Variants in H2AZ1 observed in about 807,000 individuals in gnomAD.
H2AZ1 encodes H2A.Z variant histone 1, also known as histone H2A.Z.
In H2AZ1, 3 loss-of-function variants were observed where a neutral mutation model predicts 16.6. The ratio of observed to expected loss-of-function variants is 0.18; its 90% confidence interval spans 0.08 to 0.47. The LOEUF is 0.47. Ranked by LOEUF, H2AZ1 falls within the 20% of genes least tolerant of loss-of-function variation. The pLI, the probability that H2AZ1 is intolerant of heterozygous loss-of-function variation, is 0.98. For missense variants in H2AZ1, 27 were observed against 163.6 expected (o/e 0.17, Z 4.55); for synonymous variants, 78 against 60.7 (o/e 1.28, Z -1.32).
intron 4 of H2AZ1, 108 bp downstream of exon 4, chr4:99,948,703 C>T: frequency 6.8e-7 from 1 of 1,469,450 alleles, no homozygotes; most frequent in Non-Finnish European, 9.1e-7. Context: ...AACCATACTT[C>T]CATCATTGAA....
chr4:99,950,024 G>A (rs1727243077), intron 1 of H2AZ1, 144 bp downstream of exon 1: 1 of 722,206 alleles, frequency 1.4e-6, no homozygotes, highest in Non-Finnish European at 2.3e-6. Flanking sequence ...GCTAGCAGCC[G>A]ACAAAACACC....
At chr4:99,949,529 T>C (rs1456409115) in intron 2 of H2AZ1, 134 bp downstream of exon 2, 17 of 1,006,198 alleles carry the variant, frequency 1.7e-5, no homozygotes, top group Non-Finnish European at 2.7e-5. Flanking sequence ...CCCATATTTA[T>C]CGTATGGGCA....
chr4:99,949,419 A>G (rs1185721323), intron 2 of H2AZ1, 33 bp from the exon 3 acceptor site: 2 of 1,358,728 alleles, frequency 1.5e-6, no homozygotes, highest in Admixed American at 3.4e-5. Flanking sequence ...ACATAAATGC[A>G]CAAAAATGAG....
rs1165006735 is a variant in H2AZ1 at position 99,948,673 on chromosome 4, T to A, written c.325+138A>T. ...GTAAAAATTCATTGAGTTATACATA[T>A]AAATCAAATTTCATGATACAACCAT... On this transcript the variant is annotated intron_variant, in intron 4 of 4. Coordinates refer to ENST00000296417, the MANE Select transcript of H2AZ1 (RefSeq NM_002106.4). 3.4e-6 allele frequency: 5 copies of A among 1,456,796 alleles called. No individual in the cohort carries two copies. In the Admixed American group the frequency reaches 1.2e-4, roughly 36 times the overall value. 90.2% of individuals were successfully genotyped at this position (1,456,796 alleles called of 1,614,324 possible).
rs1429961730 is a variant in H2AZ1 at position 99,949,288 on chromosome 4, C to T, written c.180G>A (p.Glu60=). 1 of 1,605,502 alleles carries T rather than the reference C, an allele frequency of 6.2e-7. No homozygotes were observed. ...ACCCATTTACCTCTGCGGTGAGGTA[C>T]TCCAGGATGGCTGCGCTGTACACAG... is the stretch of plus-strand genomic sequence containing the variant. ...TAAVYSAAIL[E]YLTAEVLELA... Residue 60 remains glutamate (E), a synonymous_variant, in exon 3 of 5, where the codon GAG becomes GAA. Transcript: ENST00000296417.
At chr4:99,948,559 T>G (rs1456206205) in intron 4 of H2AZ1, 36 bp from the exon 5 acceptor site, 2 of 1,606,122 alleles carry the variant, frequency 1.2e-6, no homozygotes, top group Non-Finnish European at 1.7e-6. Context: ...TACTTAAGAT[T>G]TTTTAAAAAA....
chr4:99,949,073 G>A (rs1727207300), intron 3 of H2AZ1, 133 bp from the exon 4 acceptor site: 2 of 712,812 alleles, frequency 2.8e-6, no homozygotes, highest in South Asian at 1.7e-5. Flanking sequence ...AGATATACAG[G>A]GGGCACGCAA....
chr4:99,949,243 T>C, intron 3 of H2AZ1, 30 bp downstream of exon 3: 1 of 1,332,704 alleles, frequency 7.5e-7, no homozygotes. Flanking sequence ...CCCCAAACCT[T>C]CTCCGGATTA....
chr4:99,949,306 G>A lies in H2AZ1; in HGVS notation c.162C>T (p.Tyr54=), dbSNP rs765193638. 11 of 1,611,714 alleles carry A rather than the reference G, an allele frequency of 6.8e-6. No individual in the cohort carries two copies. The highest frequency in any genetic ancestry group is 1.6e-4 in the Middle Eastern group (1 of 6,080). The change falls in exon 3 of 5, where the codon TAC becomes TAT. Residue 54 remains tyrosine (Y), a synonymous_variant. Coordinates refer to ENST00000296417, the MANE Select transcript of H2AZ1 (RefSeq NM_002106.4). The part of the protein sequence containing the change: ...HGRVGATAAV[Y]SAAILEYLTA... ...TGAGGTACTCCAGGATGGCTGCGCT[G>A]TACACAGCGGCAGTCGCGCCCACAC...
chr4:99,949,463 G>C (rs1727223812), intron 2 of H2AZ1, 77 bp from the exon 3 acceptor site: 1 of 1,086,618 alleles, frequency 9.2e-7, no homozygotes, highest in Non-Finnish European at 1.4e-6. Flanking sequence ...GCGCGCCAAA[G>C]CAAGGGGCAC....
intron 2 of H2AZ1, 131 bp from the exon 3 acceptor site, chr4:99,949,517 C>G: frequency 1.0e-6 from 1 of 981,638 alleles, no homozygotes; most frequent in Non-Finnish European, 1.6e-6. Flanking sequence ...TGATTCCTCC[C>G]CCCCATATTT....
rs909939662 is a variant in H2AZ1 at position 99,948,311 on chromosome 4, G to A, written c.*151C>T. On this transcript the variant is annotated 3_prime_UTR_variant, in exon 5 of 5. Coordinates refer to ENST00000296417, the MANE Select transcript of H2AZ1 (RefSeq NM_002106.4). Reference sequence around the variant, plus strand: ...CTCGAATGCAGAAATTTGGTTGGTTGGAAAGCTAATTAAACTTCCAACTTG... The same window carrying A: ...CTCGAATGCAGAAATTTGGTTGGTTAGAAAGCTAATTAAACTTCCAACTTG... 47 of 727,668 alleles carry A rather than the reference G, an allele frequency of 6.5e-5. No homozygotes were observed. Among genetic ancestry groups the A allele is most frequent in the Non-Finnish European group, 1.1e-4 (43 of 393,770 alleles). The allele number at this position is 727,668 out of a possible 1,614,324, so 45.1% of individuals were successfully genotyped here.
chr4:99,950,069 T>C, intron 1 of H2AZ1, 99 bp downstream of exon 1: 3 of 1,178,174 alleles, frequency 2.5e-6, no homozygotes, highest in Non-Finnish European at 3.8e-6. Context: ...CTCCGCGCGT[T>C]CCCAACCGTC....
At position 99,948,139 on chromosome 4, in the gene H2AZ1, G is replaced by C. The variant is rs956328996; in HGVS notation, c.*323C>G. 2.4e-4 allele frequency: 114 copies of C among 467,114 alleles called. No homozygotes were observed. The highest frequency in any genetic ancestry group is 1.3e-3 in the Middle Eastern group (2 of 1,600). 28.9% of individuals were successfully genotyped at this position (467,114 alleles called of 1,614,324 possible). ...ATCCACCAGAGTGGAAATAATGTCT[G>C]TACAAAACCAAATGTTTGTTACTAT... is the stretch of plus-strand genomic sequence containing the variant. On this transcript the variant is annotated 3_prime_UTR_variant, in exon 5 of 5. Coordinates refer to ENST00000296417, the MANE Select transcript of H2AZ1 (RefSeq NM_002106.4).
At chr4:99,949,966 G>GCGCGCCACCCAACCGTCGCCGCC in intron 1 of H2AZ1, 1 of 279,618 alleles carries the variant, frequency 3.6e-6, no homozygotes, top group Non-Finnish European at 6.0e-6. Context: ...GCGGCGCTGC[G>GCGCGCCACCCAACCGTCGCCGCC]CGCGCCACCC....
intron 4 of H2AZ1, 124 bp from the exon 5 acceptor site, chr4:99,948,647 A>G: frequency 1.3e-6 from 2 of 1,489,762 alleles, no homozygotes; most frequent in Non-Finnish European, 9.0e-7. Flanking sequence ...TCAAGTATGA[A>G]GTAAAAATTC....
In H2AZ1 at chr4:99,948,801, G is replaced by A; in HGVS notation, c.325+10C>T. On this transcript the variant is annotated intron_variant, in intron 4 of 4. Coordinates refer to ENST00000296417, the MANE Select transcript of H2AZ1 (RefSeq NM_002106.4). ...GAAGAAATTTTTTAAAATGTTAGAA[G>A]TTAACATACCACCACCAGCAATTGT... 1 of 1,598,338 alleles carries A rather than the reference G, an allele frequency of 6.3e-7. No homozygotes were observed. The highest frequency in any genetic ancestry group is 8.5e-7 in the Non-Finnish European group (1 of 1,172,704).
In H2AZ1 at chr4:99,950,254, G is replaced by A; in HGVS notation, c.-84C>T. On this transcript the variant is annotated 5_prime_UTR_variant, in exon 1 of 5. It adds an upstream start codon to the 5' untranslated region. Coordinates refer to ENST00000296417, the MANE Select transcript of H2AZ1 (RefSeq NM_002106.4). Reference sequence around the variant, plus strand: ...GTGAGATCCCACCACCTACTCCTTCGTCGCACCGCGATTCAAACTGCGCTG... The same window carrying A: ...GTGAGATCCCACCACCTACTCCTTCATCGCACCGCGATTCAAACTGCGCTG... 2 of 1,301,570 alleles carry A rather than the reference G, an allele frequency of 1.5e-6. No individual in the cohort carries two copies. Among genetic ancestry groups the A allele is most frequent in the African/African-American group, 1.4e-5 (1 of 69,612 alleles). The allele number at this position is 1,301,570 out of a possible 1,614,324, so 80.6% of individuals were successfully genotyped here. A position where few individuals can be genotyped will look rare whatever the true frequency, so the allele number is the denominator to read the frequency against.
rs758271040 is a variant in H2AZ1 at position 99,949,318 on chromosome 4, A to G, written c.150T>C (p.Thr50=). ...RTTSHGRVGA[T]AAVYSAAILE... ...GGATGGCTGCGCTGTACACAGCGGCAGTCGCGCCCACACGTCCATGACTGG... is the reference window on the plus strand; with the variant it reads ...GGATGGCTGCGCTGTACACAGCGGCGGTCGCGCCCACACGTCCATGACTGG... Residue 50 remains threonine (T), a synonymous_variant, in exon 3 of 5, where the codon ACT becomes ACC. Coordinates refer to ENST00000296417, the MANE Select transcript of H2AZ1 (RefSeq NM_002106.4). The G allele has an allele frequency of 5.6e-6, 9 of 1,612,976 alleles. No individual in the cohort carries two copies. The East Asian group carries it at 1.8e-4, about 32-fold the overall frequency.
Sources: gnomAD v4.1 joint callset for allele counts on GRCh38, gnomAD v4.1.1 for gene constraint, MANE v1.5 for transcripts, NCBI Gene and HGNC (gene_info 2026-07-23, HGNC 2026-07-21) for gene names.